Variants in LRRC4C observed in about 807,000 individuals in gnomAD.
LRRC4C encodes the protein leucine-rich repeat-containing protein 4C.
LRRC4C carries 5 observed loss-of-function variants against 33.6 expected under a neutral mutation model. The observed-to-expected ratio is 0.15, with a 90% confidence interval of 0.08 to 0.31. LRRC4C has a LOEUF of 0.31. Among genes scored for constraint, LRRC4C ranks in the 10% least tolerant of loss-of-function variants. LRRC4C has a pLI of 1.00. For missense variants in LRRC4C, 560 were observed against 796.7 expected, an observed-to-expected ratio of 0.70 and a Z score of 3.58; for synonymous variants, 329 against 302.0, an observed-to-expected ratio of 1.09 and a Z score of -0.93.
chr11:40,659,690 G>A (rs1270861376), intron 2 of LRRC4C, among the ~76,000 whole-genome samples: 2 of 152,304 alleles, frequency 1.3e-5, no homozygotes, highest in East Asian at 3.9e-4. Flanking sequence ...ACCCACTACA[G>A]CTCTCCTCTC....
intron 3 of LRRC4C, among the ~76,000 whole-genome samples, chr11:40,618,438 C>A (rs997282276): frequency 9.3e-6 from 1 of 107,042 alleles, no homozygotes; most frequent in Middle Eastern, 4.7e-3. Context: ...TGATTGCAGA[C>A]TTCTAGACTC....
intron 6 of LRRC4C, among the ~76,000 whole-genome samples, chr11:40,130,218 T>C (rs538170004): frequency 2.0e-5 from 3 of 152,290 alleles, no homozygotes; most frequent in Non-Finnish European, 4.4e-5. Context: ...TATTTCACTC[T>C]CCAGGTAATG....
intron 2 of LRRC4C, among the ~76,000 whole-genome samples, chr11:40,698,448 A>AT (rs142743249): frequency 0.039 from 5,773 of 148,986 alleles, 369 homozygotes; most frequent in African/African-American, 0.13. Context: ...CAATAAGAGC[A>AT]TTTTTTTTTT....
intron 3 of LRRC4C, among the ~76,000 whole-genome samples, chr11:40,578,170 T>TTTTTTTTTTTTTTTA (rs1958301926): frequency 8.4e-6 from 1 of 118,894 alleles, no homozygotes. Flanking sequence ...TTTTTTTTTT[T>TTTTTTTTTTTTTTTA]GCCTCTTAAC....
intron 1 of LRRC4C, among the ~76,000 whole-genome samples, chr11:41,431,241 T>C (rs1321051541): frequency 6.6e-6 from 1 of 152,058 alleles, no homozygotes; most frequent in Non-Finnish European, 1.5e-5. Context: ...GTTAAAACAG[T>C]AATATTAACC....
At chr11:40,116,939 T>C (rs1450409859) in intron 6 of LRRC4C, among the ~76,000 whole-genome samples, 1 of 152,314 alleles carries the variant, frequency 6.6e-6, no homozygotes, top group East Asian at 1.9e-4. Context: ...TGTGGGCCCA[T>C]ATAAATGTGG....
chr11:41,279,854 T>TTTA (rs1174354244), intron 1 of LRRC4C, among the ~76,000 whole-genome samples: 2 of 151,482 alleles, frequency 1.3e-5, no homozygotes, highest in African/African-American at 4.8e-5. Flanking sequence ...GCTGGCCACA[T>TTTA]TTATTATTAT....
intron 3 of LRRC4C, among the ~76,000 whole-genome samples, chr11:40,561,289 G>T (rs986476624): frequency 6.6e-6 from 1 of 152,096 alleles, no homozygotes; most frequent in Admixed American, 6.5e-5. Context: ...CTCTGATTAC[G>T]AGTGGAATGA....
intron 2 of LRRC4C, among the ~76,000 whole-genome samples, chr11:40,736,573 C>G (rs1271417850): frequency 1.3e-5 from 2 of 152,072 alleles, no homozygotes; most frequent in Non-Finnish European, 2.9e-5. Context: ...GTTCTAGATC[C>G]TTGAGGAATC....
intron 5 of LRRC4C, among the ~76,000 whole-genome samples, chr11:40,229,394 T>C (rs1035752606): frequency 6.6e-6 from 1 of 152,088 alleles, no homozygotes; most frequent in Non-Finnish European, 1.5e-5. Flanking sequence ...TGCCTCAGCC[T>C]CTCGAGTAGC....
At chr11:40,694,996 G>A (rs967258329) in intron 2 of LRRC4C, among the ~76,000 whole-genome samples, 10 of 149,394 alleles carry the variant, frequency 6.7e-5, no homozygotes, top group Non-Finnish European at 1.0e-4. Flanking sequence ...TTCTGTTCCT[G>A]TCATTTTTTG....
intron 2 of LRRC4C, among the ~76,000 whole-genome samples, chr11:40,770,687 T>C (rs936904095): frequency 6.6e-6 from 1 of 152,208 alleles, no homozygotes; most frequent in Admixed American, 6.5e-5. Flanking sequence ...AATGAGGGTA[T>C]AGGTACTGGA....
At chr11:40,714,235 C>G (rs1333016620) in intron 2 of LRRC4C, among the ~76,000 whole-genome samples, 1 of 152,230 alleles carries the variant, frequency 6.6e-6, no homozygotes, top group East Asian at 1.9e-4. Flanking sequence ...GCCAGAACCA[C>G]CATGTCATTT....
At chr11:40,588,293 G>A (rs1958860411) in intron 3 of LRRC4C, among the ~76,000 whole-genome samples, 3 of 151,832 alleles carry the variant, frequency 2.0e-5, no homozygotes, top group Admixed American at 2.0e-4. Flanking sequence ...TCTGATGGTA[G>A]TTTGTATTTC....
intron 2 of LRRC4C, among the ~76,000 whole-genome samples, chr11:40,677,723 C>T (rs553500327): frequency 1.3e-5 from 2 of 152,266 alleles, no homozygotes; most frequent in South Asian, 2.1e-4. Context: ...AAACAAAACA[C>T]AGATTTTTCA....
At chr11:40,698,861 G>A (rs1010627005) in intron 2 of LRRC4C, among the ~76,000 whole-genome samples, 2 of 152,202 alleles carry the variant, frequency 1.3e-5, no homozygotes, top group Admixed American at 6.5e-5. Flanking sequence ...CTCTTGAGAC[G>A]TATTCACTAC....
intron 1 of LRRC4C, among the ~76,000 whole-genome samples, chr11:41,022,387 A>T (rs971843732): frequency 6.6e-6 from 1 of 151,918 alleles, no homozygotes; most frequent in Non-Finnish European, 1.5e-5. Flanking sequence ...GTGCTCTGGC[A>T]GTACCTGGGT....
At chr11:40,829,367 A>C (rs1952306860) in intron 2 of LRRC4C, among the ~76,000 whole-genome samples, 1 of 152,060 alleles carries the variant, frequency 6.6e-6, no homozygotes, top group African/African-American at 2.4e-5. Context: ...AAAGGTTTGC[A>C]GCCCCTGGAA....
At chr11:40,143,701 A>C (rs2135012571) in intron 5 of LRRC4C, among the ~76,000 whole-genome samples, 1 of 152,154 alleles carries the variant, frequency 6.6e-6, no homozygotes, top group African/African-American at 2.4e-5. Flanking sequence ...TTAAAACATA[A>C]CCATCCTTGT....
Sources: gnomAD v4.1 joint callset for allele counts (sites outside exome capture counted in the v4.1 genomes callset) on GRCh38, gnomAD v4.1.1 for gene constraint, MANE v1.5 for transcripts, NCBI Gene and HGNC (gene_info 2026-07-23, HGNC 2026-07-21) for gene names.